Variants in CDH13 observed in about 807,000 individuals in gnomAD.
The protein encoded by CDH13 is cadherin 13, also known as cadherin-13.
CDH13 carries 24 observed loss-of-function variants against 63.8 expected under a neutral mutation model. That is an observed-to-expected ratio of 0.38 (90% CI 0.27 to 0.53). The LOEUF (loss-of-function observed/expected upper bound fraction) is 0.53, where lower values mean the gene tolerates loss of function less well. Among genes scored for constraint, CDH13 ranks in the 20% least tolerant of loss-of-function variants. The pLI is 0.85. For missense variants in CDH13, 1,049 were observed against 903.1 expected (o/e 1.16, Z -2.07); for synonymous variants, 503 against 355.3 (o/e 1.42, Z -4.67).
chr16:83,100,248 TAATATA>T (rs886509550), intron 3 of CDH13, among the ~76,000 whole-genome samples: 58 of 151,952 alleles, frequency 3.8e-4, no homozygotes, highest in Admixed American at 7.2e-4. Context: ...CAAACAAAAA[TAATATA>T]AATAAGTAAA....
chr16:83,174,105 G>C (rs2038028821), intron 4 of CDH13, among the ~76,000 whole-genome samples: 2 of 152,112 alleles, frequency 1.3e-5, no homozygotes, highest in Non-Finnish European at 2.9e-5. Flanking sequence ...TATGAAGTCT[G>C]TCCTGTGGTA....
intron 7 of CDH13, among the ~76,000 whole-genome samples, chr16:83,522,875 A>G (rs190205173): frequency 2.6e-5 from 4 of 152,292 alleles, no homozygotes; most frequent in African/African-American, 7.2e-5. Context: ...CAGACACTTT[A>G]TGACTCACCA....
At chr16:83,363,615 A>ACTGGCAGAAT (rs2091204549) in intron 6 of CDH13, among the ~76,000 whole-genome samples, 1 of 152,208 alleles carries the variant, frequency 6.6e-6, no homozygotes, top group South Asian at 2.1e-4. Context: ...TGGCTTCTTT[A>ACTGGCAGAAT]CTGGCAGAAT....
intron 2 of CDH13, among the ~76,000 whole-genome samples, chr16:82,888,805 T>C (rs902840349): frequency 6.6e-6 from 1 of 152,224 alleles, no homozygotes; most frequent in Non-Finnish European, 1.5e-5. Context: ...AAATGGACCA[T>C]TGCCATTTGC....
chr16:83,719,429 C>G lies in CDH13; in HGVS notation c.1539-28679C>G, dbSNP rs985625825. 5.3e-5 allele frequency among the ~76,000 whole-genome samples: 8 copies of G among 151,234 alleles called. No homozygotes were observed. In the Admixed American group the frequency reaches 5.3e-4, roughly 10 times the overall value. ...GGAGGTTACGCCACACTCCACGTCACTCACCCACGGCCCTCTCAGTAAACG... is the reference window on the plus strand; with the variant it reads ...GGAGGTTACGCCACACTCCACGTCAGTCACCCACGGCCCTCTCAGTAAACG... On this transcript the variant is annotated intron_variant, in intron 10 of 13. Transcript: ENST00000567109.
intron 2 of CDH13, among the ~76,000 whole-genome samples, chr16:82,996,317 T>C (rs867221437): frequency 6.6e-6 from 1 of 152,102 alleles, no homozygotes; most frequent in African/African-American, 2.4e-5. Flanking sequence ...ACCCCATGAC[T>C]CATCAGCTTC....
chr16:82,978,871 GC>G (rs1324969976), intron 2 of CDH13, among the ~76,000 whole-genome samples: 2 of 102,012 alleles, frequency 2.0e-5, no homozygotes, highest in African/African-American at 9.4e-5. Context: ...CAAAATGGTA[GC>G]TCCACCGACA....
chr16:83,154,112 T>TC (rs1432604828), intron 4 of CDH13, among the ~76,000 whole-genome samples: 2 of 152,186 alleles, frequency 1.3e-5, no homozygotes, highest in Admixed American at 1.3e-4. Flanking sequence ...AGTCACATGT[T>TC]CCATTGAGAA....
chr16:82,726,971 A>G (rs1188374261), intron 1 of CDH13, among the ~76,000 whole-genome samples: 2 of 152,170 alleles, frequency 1.3e-5, no homozygotes, highest in Admixed American at 1.3e-4. Context: ...TTGATGATGA[A>G]CAAGTCCAAA....
chr16:83,184,115 C>CACAT (rs1555509363), intron 4 of CDH13, among the ~76,000 whole-genome samples: 20 of 147,538 alleles, frequency 1.4e-4, no homozygotes, highest in African/African-American at 4.9e-4. Flanking sequence ...CACACACACA[C>CACAT]ACACACACAC....
chr16:83,625,082 C>T (rs1445222438), intron 8 of CDH13, among the ~76,000 whole-genome samples: 1 of 152,126 alleles, frequency 6.6e-6, no homozygotes, highest in Non-Finnish European at 1.5e-5. Flanking sequence ...GCTTTTCCCC[C>T]TGAATTGCCA....
rs564876423 is a variant in CDH13, at chr16:83,738,946, G to A, written c.1539-9162G>A. ...GGTTTAGGAGAAATAGGAATTTAGTGATTTCTAAAGATAAGTAGAATTTGT... is the reference window on the plus strand; with the variant it reads ...GGTTTAGGAGAAATAGGAATTTAGTAATTTCTAAAGATAAGTAGAATTTGT... On this transcript the variant is annotated intron_variant, in intron 10 of 13. Transcript: ENST00000567109. 3.9e-5 allele frequency among the ~76,000 whole-genome samples: 6 copies of A among 152,266 alleles called. No homozygotes were observed. In the South Asian group the frequency reaches 1.2e-3, roughly 32 times the overall value.
chr16:82,781,903 G>A (rs147122448), intron 1 of CDH13, among the ~76,000 whole-genome samples: 153 of 152,346 alleles, frequency 1.0e-3, no homozygotes, highest in African/African-American at 3.2e-3. Flanking sequence ...GAACTGTGCC[G>A]TGTTGCTGTG....
intron 2 of CDH13, among the ~76,000 whole-genome samples, chr16:83,012,333 TTTTTG>T (rs1914248840): frequency 6.6e-6 from 1 of 151,090 alleles, no homozygotes; most frequent in African/African-American, 2.4e-5. Context: ...TTTTTTTTTT[TTTTTG>T]GCCCCTTTGC....
chr16:82,682,850 T>G (rs1194750717), intron 1 of CDH13, among the ~76,000 whole-genome samples: 2 of 152,206 alleles, frequency 1.3e-5, no homozygotes, highest in Admixed American at 6.5e-5. Flanking sequence ...GGACTGGTGC[T>G]TCCCCTGAGC....
At chr16:83,225,865 A>C (rs1381312590) in intron 5 of CDH13, among the ~76,000 whole-genome samples, 3 of 152,242 alleles carry the variant, frequency 2.0e-5, no homozygotes, top group Non-Finnish European at 4.4e-5. Flanking sequence ...ATTAGGAATT[A>C]ATATAATGAT....
At chr16:83,154,425 G>C (rs954004847) in intron 4 of CDH13, among the ~76,000 whole-genome samples, 4 of 151,942 alleles carry the variant, frequency 2.6e-5, no homozygotes, top group African/African-American at 9.7e-5. Context: ...AAATTAGCAA[G>C]GTGTGGTGGC....
chr16:82,876,035 T>C lies in CDH13; in HGVS notation c.157+17562T>C, dbSNP rs549251547. Among the ~76,000 whole-genome samples, 5 of 152,344 alleles carry C rather than the reference T, an allele frequency of 3.3e-5. No individual in the cohort carries two copies. The East Asian group carries it at 7.7e-4, about 24-fold the overall frequency. ...GAATTTGTGCAGGGGAACTCCTCTT[T>C]TTAAAATCATCAGCTCTCATGAGAC... On this transcript the variant is annotated intron_variant, in intron 2 of 13. Coordinates refer to ENST00000567109, the MANE Select transcript of CDH13 (RefSeq NM_001257.5).
intron 1 of CDH13, among the ~76,000 whole-genome samples, chr16:82,856,790 G>A (rs1036766005): frequency 6.6e-6 from 1 of 150,796 alleles, no homozygotes; most frequent in Non-Finnish European, 1.5e-5. Context: ...TCAGGGAAGA[G>A]AAGGCAGGTA....
Sources: gnomAD v4.1 joint callset for allele counts (sites outside exome capture counted in the v4.1 genomes callset) on GRCh38, gnomAD v4.1.1 for gene constraint, MANE v1.5 for transcripts, NCBI Gene and HGNC (gene_info 2026-07-23, HGNC 2026-07-21) for gene names.